HSD17B11: variants seen among roughly 807,000 people sequenced by gnomAD.
HSD17B11 encodes the protein estradiol 17-beta-dehydrogenase 11.
Under a neutral mutation model 27.8 loss-of-function variants are expected in HSD17B11, and 22 were observed. The ratio of observed to expected loss-of-function variants is 0.79; its 90% CI spans 0.56 to 1.13. The LOEUF is 1.13. HSD17B11 is among the 50% of genes most tolerant of loss of function. The pLI, the probability that HSD17B11 is intolerant of heterozygous loss-of-function variation, is 0.00. For synonymous variants in HSD17B11, 117 were observed against 132.8 expected (o/e 0.88, Z 0.82); for missense variants, 314 against 351.1 (o/e 0.89, Z 0.84).
Position 87,340,473 on chromosome 4 carries a change from T to G in HSD17B11, c.812+17A>C. The G allele has an allele frequency of 6.8e-7, 1 of 1,475,890 alleles. No individual in the cohort carries two copies. Among genetic ancestry groups the G allele is most frequent in the South Asian group, 1.2e-5 (1 of 82,046 alleles). The allele number at this position is 1,475,890 out of a possible 1,614,324, so 91.4% of individuals were successfully genotyped here. A position where few individuals can be genotyped will look rare whatever the true frequency, so the allele number is the denominator to read the frequency against. ...TATTTTACCTTTCATTTCTAAGGTT[T>G]CTTAACTGTCACTTACCTTTCCAAT... On this transcript the variant is annotated intron_variant, in intron 6 of 6. Coordinates refer to ENST00000358290, the MANE Select transcript of HSD17B11 (RefSeq NM_016245.5).
chr4:87,368,052 T>C (rs964317186), intron 4 of HSD17B11, among the ~76,000 whole-genome samples: 1 of 152,174 alleles, frequency 6.6e-6, no homozygotes, highest in Non-Finnish European at 1.5e-5. Context: ...GCACGGTGGC[T>C]CATGCCTGTA....
At chr4:87,356,138 A>T (rs72652029) in intron 5 of HSD17B11, among the ~76,000 whole-genome samples, 1 of 151,988 alleles carries the variant, frequency 6.6e-6, no homozygotes, top group African/African-American at 2.4e-5. Flanking sequence ...AGAAGTAGAG[A>T]GTAAGTTGCT....
At chr4:87,371,337 G>T (rs1234664031) in intron 4 of HSD17B11, among the ~76,000 whole-genome samples, 2 of 152,082 alleles carry the variant, frequency 1.3e-5, no homozygotes, top group African/African-American at 4.8e-5. Context: ...CACAAATATA[G>T]TGTGATTCCA....
intron 4 of HSD17B11, among the ~76,000 whole-genome samples, chr4:87,361,748 C>A (rs1388635816): frequency 6.6e-6 from 1 of 152,190 alleles, no homozygotes; most frequent in Non-Finnish European, 1.5e-5. Context: ...TCATGGGCAA[C>A]AGAGCGAGAC....
At position 87,382,371 on chromosome 4, in the gene HSD17B11, A is replaced by G; in HGVS notation, c.211-9T>C. On this transcript the variant is annotated splice_polypyrimidine_tract_variant and intron_variant, in intron 1 of 6. Transcript: ENST00000358290. ...GTTTCCTCCAGTCCATGCTAGAAAA[A>G]GCAAAAAAGAGGGCAAGGTAATAAT... 6.4e-7 allele frequency: 1 copy of G among 1,559,462 alleles called. No homozygotes were observed. The highest frequency in any genetic ancestry group is 8.8e-7 in the Non-Finnish European group (1 of 1,130,830).
chr4:87,336,893 C>A lies in HSD17B11; in HGVS notation c.*383G>T. 5.5e-6 allele frequency: 1 copy of A among 180,314 alleles called. No individual in the cohort carries two copies. The highest frequency in any genetic ancestry group is 1.2e-4 in the South Asian group (1 of 8,002). 11.2% of individuals were successfully genotyped at this position (180,314 alleles called of 1,614,324 possible). On this transcript the variant is annotated 3_prime_UTR_variant, in exon 7 of 7. Coordinates refer to ENST00000358290, the MANE Select transcript of HSD17B11 (RefSeq NM_016245.5). ...TTGAAGTTTCTGATTTTATGTAGAA[C>A]AGAAAAAGAAACACAAATTATACAA...
At chr4:87,356,313 G>A (rs560811126) in intron 5 of HSD17B11, among the ~76,000 whole-genome samples, 16 of 152,332 alleles carry the variant, frequency 1.1e-4, no homozygotes, top group Non-Finnish European at 1.5e-4. Flanking sequence ...ATGTGTGCCC[G>A]AGGATGCTTA....
chr4:87,354,547 T>G (rs12505484), intron 5 of HSD17B11, among the ~76,000 whole-genome samples: 26,268 of 150,924 alleles, frequency 0.17, 2,463 homozygotes, highest in African/African-American at 0.23. Flanking sequence ...GGGAGGCTGA[T>G]GTGGGAGAAT....
intron 5 of HSD17B11, among the ~76,000 whole-genome samples, chr4:87,346,193 T>A (rs1017253189): frequency 3.9e-5 from 6 of 152,180 alleles, no homozygotes; most frequent in African/African-American, 1.4e-4. Flanking sequence ...TCAGTAGGTA[T>A]CAAAAACGCA....
intron 2 of HSD17B11, among the ~76,000 whole-genome samples, chr4:87,381,144 G>A (rs1287373927): frequency 6.9e-5 from 9 of 131,192 alleles, no homozygotes; most frequent in African/African-American, 2.0e-4. Flanking sequence ...CTGAGATCAC[G>A]CCACTGCACT....
At chr4:87,381,022 C>G (rs1392440680) in intron 2 of HSD17B11, among the ~76,000 whole-genome samples, 2 of 150,422 alleles carry the variant, frequency 1.3e-5, no homozygotes, top group Non-Finnish European at 3.0e-5. Context: ...CCCATCTCTA[C>G]AAAAACACAA....
At chr4:87,361,931 G>GC (rs1441052452) in intron 4 of HSD17B11, among the ~76,000 whole-genome samples, 1 of 152,170 alleles carries the variant, frequency 6.6e-6, no homozygotes, top group Admixed American at 6.5e-5. Context: ...TGACCCTATG[G>GC]CTACCTTTGG....
chr4:87,340,688 A>G, intron 5 of HSD17B11, 82 bp from the exon 6 acceptor site: 1 of 864,366 alleles, frequency 1.2e-6, no homozygotes, highest in Non-Finnish European at 1.9e-6. Context: ...CAGCTTTAGT[A>G]TGGTACAGAC....
chr4:87,387,344 A>T (rs1242659359), intron 1 of HSD17B11, among the ~76,000 whole-genome samples: 1 of 152,222 alleles, frequency 6.6e-6, no homozygotes, highest in Non-Finnish European at 1.5e-5. Context: ...TGCTGTCCTC[A>T]TTACATGGAT....
intron 2 of HSD17B11, among the ~76,000 whole-genome samples, chr4:87,379,329 C>A (rs1465428534): frequency 6.6e-6 from 1 of 151,086 alleles, no homozygotes; most frequent in African/African-American, 2.4e-5. Flanking sequence ...TTTGCCTCTT[C>A]TAGATACAAT....
intron 6 of HSD17B11, among the ~76,000 whole-genome samples, chr4:87,339,808 G>T (rs1249000730): frequency 6.6e-6 from 1 of 152,198 alleles, no homozygotes; most frequent in Non-Finnish European, 1.5e-5. Context: ...TGGGGGAGTT[G>T]GTCTCAGGCA....
chr4:87,384,549 T>G (rs1328139707), intron 1 of HSD17B11, among the ~76,000 whole-genome samples: 1 of 152,098 alleles, frequency 6.6e-6, no homozygotes, highest in Non-Finnish European at 1.5e-5. Context: ...ATATTAACAT[T>G]AATACCTTGG....
intron 5 of HSD17B11, among the ~76,000 whole-genome samples, chr4:87,344,108 T>C (rs529583045): frequency 5.6e-4 from 85 of 152,302 alleles, no homozygotes; most frequent in Non-Finnish European, 9.8e-4. Context: ...TAAATGGAAA[T>C]GTATATATAC....
At chr4:87,364,702 G>A (rs939818367) in intron 4 of HSD17B11, among the ~76,000 whole-genome samples, 6 of 152,212 alleles carry the variant, frequency 3.9e-5, no homozygotes, top group Admixed American at 6.5e-5. Flanking sequence ...GTCTTCTCCC[G>A]TAGTATTTCC....
Sources: allele counts gnomAD v4.1 joint callset (sites outside exome capture counted in the v4.1 genomes callset), GRCh38; gene constraint gnomAD v4.1.1; transcripts MANE v1.5; gene names NCBI Gene and HGNC (gene_info 2026-07-23, HGNC 2026-07-21).